SYNE2: variants seen among roughly 807,000 people sequenced by gnomAD.
SYNE2 encodes spectrin repeat containing nuclear envelope protein 2.
SYNE2 carries 431 observed loss-of-function variants against 856.3 expected under a neutral mutation model. That is an observed-to-expected ratio of 0.50 (90% CI 0.47 to 0.55). The LOEUF (loss-of-function observed/expected upper bound fraction) is 0.55, where lower values mean the gene tolerates loss of function less well. Among genes scored for constraint, SYNE2 ranks in the 20% least tolerant of loss-of-function variants. The pLI is 0.00. For missense variants in SYNE2, 8,129 were observed against 8,023.2 expected, an observed-to-expected ratio of 1.01 and a Z score of -0.50; for synonymous variants, 2,923 against 2,872.3, an observed-to-expected ratio of 1.02 and a Z score of -0.56.
chr14:64,080,565 A>C lies in SYNE2; in HGVS notation c.11273A>C (p.Asn3758Thr). The C allele has an allele frequency of 6.2e-7, 1 of 1,614,210 alleles. No individual in the cohort carries two copies. Residue 3758 changes from asparagine to threonine, a missense_variant, in exon 56 of 116, where the codon AAC (asparagine) becomes ACC (threonine). Around this residue, in one of 3 missense-constraint regions of SYNE2, gnomAD observed 5,410 missense variants for 5,284.8 expected, o/e 1.02. Coordinates refer to ENST00000555002, the MANE Select transcript of SYNE2 (RefSeq NM_182914.3). ...GGACAGGCTCAAGAATGGATGGATA[A>C]CTTGATGATTCCTTTCCAGCAGTAT... ...DPGQAQEWMD[N>T]LMIPFQQYQQ...
intron 83 of SYNE2, among the ~76,000 whole-genome samples, chr14:64,145,118 G>C (rs959730543): frequency 6.6e-6 from 1 of 151,576 alleles, no homozygotes; most frequent in Non-Finnish European, 1.5e-5. Flanking sequence ...GTAGAGTCAG[G>C]GTTTCACCAT....
intron 1 of SYNE2, among the ~76,000 whole-genome samples, chr14:63,842,702 C>T (rs1004791683): frequency 2.2e-4 from 33 of 151,722 alleles, no homozygotes; most frequent in African/African-American, 6.3e-4. Context: ...TCAAATGACC[C>T]GCCGGCCTCG....
chr14:64,201,016 C>CA (rs1235426521), intron 99 of SYNE2, among the ~76,000 whole-genome samples: 1 of 152,228 alleles, frequency 6.6e-6, no homozygotes, highest in African/African-American at 2.4e-5. Context: ...TGTGGTCCAG[C>CA]ATTCACTCTG....
At chr14:64,086,730 G>A (rs1248642593) in intron 57 of SYNE2, among the ~76,000 whole-genome samples, 2 of 101,692 alleles carry the variant, frequency 2.0e-5, no homozygotes, top group Non-Finnish European at 3.6e-5. Context: ...TTTTTTTTGA[G>A]ATGGTGTCTT....
At chr14:64,219,556 C>A in intron 110 of SYNE2, 146 bp downstream of exon 110, 2 of 819,050 alleles carry the variant, frequency 2.4e-6, no homozygotes, top group Non-Finnish European at 2.0e-6. Flanking sequence ...CATTTCAGTT[C>A]CATAGTTGGC....
chr14:64,167,943 A>G (rs1199067279), intron 92 of SYNE2, among the ~76,000 whole-genome samples: 5 of 152,232 alleles, frequency 3.3e-5, no homozygotes, highest in African/African-American at 1.2e-4. Context: ...AGAGTATAAT[A>G]AAATACTTCG....
intron 1 of SYNE2, among the ~76,000 whole-genome samples, chr14:63,834,884 T>A (rs1387780447): frequency 6.6e-6 from 1 of 152,110 alleles, no homozygotes; most frequent in Non-Finnish European, 1.5e-5. Context: ...GTGATCCACC[T>A]GCCTCGGCCT....
At chr14:63,898,437 C>T (rs568648855) in intron 1 of SYNE2, among the ~76,000 whole-genome samples, 7 of 152,124 alleles carry the variant, frequency 4.6e-5, no homozygotes, top group East Asian at 1.9e-4. Flanking sequence ...GACAGAGTTT[C>T]GCCATTGCCC....
intron 1 of SYNE2, among the ~76,000 whole-genome samples, chr14:63,819,216 ATTTC>A (rs1889122025): frequency 1.3e-5 from 2 of 151,970 alleles, no homozygotes; most frequent in African/African-American, 2.4e-5. Flanking sequence ...ACAAAAATCA[ATTTC>A]TTTCTTTTCT....
In SYNE2 at chr14:64,021,991, A is replaced by C. The variant is rs1376105445; in HGVS notation, c.5487A>C (p.Lys1829Asn). 6.2e-7 allele frequency: 1 copy of C among 1,613,842 alleles called. No homozygotes were observed. Reference protein sequence around the residue: ...ESVSDLFNTKKSVLQDHFSKL... With the variant: ...ESVSDLFNTKNSVLQDHFSKL... ...TCAGTGATTTATTTAATACCAAAAA[A>C]AGTGTTTTGCAAGATCACTTTTCTA... The change falls in exon 37 of 116, where the codon AAA becomes AAC. Residue 1829 changes from lysine (K) to asparagine (N), a missense_variant. By Grantham distance (94) the Lys-to-Asn change is moderately conservative. This residue lies in a region of SYNE2 where 2,422 missense variants were observed against 2,357.4 expected (regional missense o/e 1.03). Transcript: ENST00000555002.
At chr14:64,190,337 T>G in intron 99 of SYNE2, 100 bp downstream of exon 99, 2 of 1,521,716 alleles carry the variant, frequency 1.3e-6, no homozygotes, top group Non-Finnish European at 1.8e-6. Flanking sequence ...TCCAGCAATT[T>G]TATAAGTTTA....
At chr14:64,153,964 A>G (rs896061436) in intron 85 of SYNE2, among the ~76,000 whole-genome samples, 2 of 152,176 alleles carry the variant, frequency 1.3e-5, no homozygotes, top group South Asian at 2.1e-4. Context: ...TGGGACAACC[A>G]TGTATCCACA....
intron 10 of SYNE2, among the ~76,000 whole-genome samples, chr14:63,966,611 T>A (rs2096396502): frequency 6.6e-6 from 1 of 151,466 alleles, no homozygotes; most frequent in African/African-American, 2.4e-5. Flanking sequence ...CAGGCTGTAG[T>A]GCAGTGGCCC....
chr14:63,784,278 G>A (rs1365341005), intron 1 of SYNE2, among the ~76,000 whole-genome samples: 1 of 151,076 alleles, frequency 6.6e-6, no homozygotes, highest in African/African-American at 2.4e-5. Context: ...GGATCACGAG[G>A]TCAGGAGTTC....
chr14:63,930,692 G>A (rs560362480), intron 2 of SYNE2, among the ~76,000 whole-genome samples: 113 of 152,012 alleles, frequency 7.4e-4, no homozygotes, highest in Non-Finnish European at 1.0e-3. Flanking sequence ...CCACCACCAC[G>A]CCTGGCTAAC....
intron 85 of SYNE2, among the ~76,000 whole-genome samples, chr14:64,153,510 G>T (rs901815004): frequency 6.6e-6 from 1 of 152,154 alleles, no homozygotes; most frequent in Non-Finnish European, 1.5e-5. Flanking sequence ...TACCAAGAGG[G>T]AATAGGGAAT....
intron 2 of SYNE2, among the ~76,000 whole-genome samples, chr14:63,935,058 T>A (rs905744196): frequency 6.6e-6 from 1 of 152,156 alleles, no homozygotes; most frequent in Non-Finnish European, 1.5e-5. Flanking sequence ...GTTTAAAAGT[T>A]ATTCTCTTCT....
intron 48 of SYNE2, 108 bp from the exon 49 acceptor site, chr14:64,055,836 A>AAAATT (rs1187741146): frequency 2.6e-6 from 2 of 765,948 alleles, no homozygotes; most frequent in Admixed American, 2.9e-5. Context: ...TAATAATAAT[A>AAAATT]AAAAAAGACT....
chr14:64,016,146 C>T (rs1284836030), intron 32 of SYNE2, among the ~76,000 whole-genome samples: 1 of 150,768 alleles, frequency 6.6e-6, no homozygotes, highest in East Asian at 1.9e-4. Context: ...TTTTTTAATG[C>T]CATTGAATGC....
Sources: gnomAD v4.1 joint callset for allele counts (sites outside exome capture counted in the v4.1 genomes callset) on GRCh38, gnomAD v4.1.1 for gene constraint, gnomAD v4.1.1 regional missense constraint, MANE v1.5 for transcripts, NCBI Gene and HGNC (gene_info 2026-07-23, HGNC 2026-07-21) for gene names.